SYNJ2: variants seen among roughly 807,000 people sequenced by gnomAD.
The protein encoded by SYNJ2 is polyphosphatidylinositol phosphatase SYNJ2.
Under a neutral mutation model 141.3 loss-of-function variants are expected in SYNJ2, and 116 were observed. The ratio of observed to expected loss-of-function variants is 0.82; its 90% CI spans 0.71 to 0.96. SYNJ2 has a LOEUF of 0.96. SYNJ2 is among the 40% of genes least tolerant of loss of function. The pLI, the probability that SYNJ2 is intolerant of heterozygous loss-of-function variation, is 0.00. For synonymous variants in SYNJ2, 745 were observed against 777.7 expected, an observed-to-expected ratio of 0.96 and a Z score of 0.70; for missense variants, 1,873 against 1,934.8, an observed-to-expected ratio of 0.97 and a Z score of 0.60.
At chr6:157,984,980 G>C (rs771915454) in intron 1 of SYNJ2, among the ~76,000 whole-genome samples, 1 of 152,194 alleles carries the variant, frequency 6.6e-6, no homozygotes, top group African/African-American at 2.4e-5. Context: ...ATCCTGCTCC[G>C]CTGCGGATGC....
intron 5 of SYNJ2, among the ~76,000 whole-genome samples, chr6:158,051,189 G>A (rs918614370): frequency 6.6e-6 from 1 of 152,172 alleles, no homozygotes; most frequent in Non-Finnish European, 1.5e-5. Flanking sequence ...TGCCAAGCTT[G>A]TATTCTCTTC....
rs1206018120 is a variant in SYNJ2 at position 158,070,775 on chromosome 6, C to A, written c.1941-827C>A. 6.6e-6 allele frequency among the ~76,000 whole-genome samples: 1 copy of A among 152,182 alleles called. No homozygotes were observed. The highest frequency in any genetic ancestry group is 1.5e-5 in the Non-Finnish European group (1 of 68,046). On this transcript the variant is annotated intron_variant, in intron 14 of 26. Transcript: ENST00000355585. This position sits in a 1 kb window ranked among gnomAD's most constrained non-coding sequence, Gnocchi z 4.0. ...CTTGCAGCCCATGTTTCTATGGACT[C>A]GTATGCGTCATAAGTGGGCATTTGA...
At chr6:158,095,426 G>A (rs2128403844) in intron 26 of SYNJ2, among the ~76,000 whole-genome samples, 192 bp from the exon 27 acceptor site, 1 of 152,238 alleles carries the variant, frequency 6.6e-6, no homozygotes, top group East Asian at 1.9e-4. Context: ...CCTGATAAAT[G>A]TGTGTTTCTC....
At chr6:158,065,185 T>C (rs1781490480) in intron 11 of SYNJ2, among the ~76,000 whole-genome samples, 194 bp downstream of exon 11, 1 of 152,184 alleles carries the variant, frequency 6.6e-6, no homozygotes, top group African/African-American at 2.4e-5. Flanking sequence ...AGCTCACGCT[T>C]CCTCTGTCTC....
chr6:157,981,806 G>C, upstream of SYNJ2: 2 of 597,596 alleles, frequency 3.3e-6, no homozygotes, highest in East Asian at 7.6e-5. The surrounding 1 kb of genome is among the most constrained non-coding windows in gnomAD (Gnocchi z 6.4). Flanking sequence ...TGGGGAGGAG[G>C]AGGAAGGGGA....
chr6:158,076,709 C>T lies in SYNJ2; in HGVS notation c.2376C>T (p.Ser792=), dbSNP rs141642680. 35 of 1,614,220 alleles carry T rather than the reference C, an allele frequency of 2.2e-5. No individual in the cohort carries two copies. In the African/African-American group the frequency reaches 2.3e-4, roughly 10 times the overall value. Residue 792 remains serine, a synonymous_variant, in exon 17 of 27, where the codon AGC becomes AGT. Coordinates refer to ENST00000355585, the MANE Select transcript of SYNJ2 (RefSeq NM_003898.4). The part of the protein sequence containing the change: ...YDVGSAAYDT[S]DKCRTPAWTD... ...TTGGCTCAGCCGCCTACGATACAAG[C>T]GACAAATGCCGCACCCCCGCCTGGA...
chr6:158,025,673 C>T (rs1779003788), intron 2 of SYNJ2, among the ~76,000 whole-genome samples: 1 of 150,340 alleles, frequency 6.7e-6, no homozygotes, highest in African/African-American at 2.5e-5. Context: ...AAAAAAATAG[C>T]CGGGCGTGGT....
chr6:158,014,084 A>G (rs1050188677), intron 1 of SYNJ2, among the ~76,000 whole-genome samples: 4 of 152,200 alleles, frequency 2.6e-5, no homozygotes, highest in African/African-American at 9.7e-5. Flanking sequence ...CCATGGGACC[A>G]TTCTGTTTTT....
intron 1 of SYNJ2, among the ~76,000 whole-genome samples, chr6:158,006,542 G>T (rs1443539367): frequency 6.6e-6 from 1 of 152,156 alleles, no homozygotes; most frequent in Non-Finnish European, 1.5e-5. Flanking sequence ...TCACTTCTCA[G>T]TCCACCCTGA....
At chr6:158,066,769 AC>A in intron 12 of SYNJ2, 134 bp downstream of exon 12, 1 of 1,037,968 alleles carries the variant, frequency 9.6e-7, no homozygotes, top group Non-Finnish European at 1.4e-6. Context: ...TCTAAATAGC[AC>A]CATGGCCTGA....
At chr6:158,053,176 AG>A (rs1481995549) in intron 5 of SYNJ2, among the ~76,000 whole-genome samples, 1 of 152,172 alleles carries the variant, frequency 6.6e-6, no homozygotes, top group African/African-American at 2.4e-5. Flanking sequence ...TATCCTTCTC[AG>A]GGTACCAGAT....
chr6:158,068,881 C>T (rs565798471), intron 13 of SYNJ2, among the ~76,000 whole-genome samples, 153 bp downstream of exon 13: 1 of 152,312 alleles, frequency 6.6e-6, no homozygotes, highest in East Asian at 1.9e-4. Flanking sequence ...CTGGCTCCTT[C>T]TCTATGCTCA....
intron 2 of SYNJ2, among the ~76,000 whole-genome samples, chr6:158,022,180 C>T (rs1373727273): frequency 6.6e-6 from 1 of 152,204 alleles, no homozygotes; most frequent in Non-Finnish European, 1.5e-5. Context: ...AAAGCCTAGA[C>T]ATCTTTAGTC....
intron 1 of SYNJ2, among the ~76,000 whole-genome samples, chr6:157,992,432 T>C (rs1777481668): frequency 1.3e-5 from 2 of 150,648 alleles, no homozygotes; most frequent in Non-Finnish European, 3.0e-5. Context: ...TTCCTTTTTT[T>C]TGAGACAGAG....
At chr6:158,049,328 T>G (rs967869354) in intron 5 of SYNJ2, among the ~76,000 whole-genome samples, 1 of 152,164 alleles carries the variant, frequency 6.6e-6, no homozygotes, top group Non-Finnish European at 1.5e-5. Flanking sequence ...CTGTGGCTTC[T>G]GACACCCAGT....
At position 158,027,195 on chromosome 6, in the gene SYNJ2, A is replaced by G. The variant is rs959199497; in HGVS notation, c.215-1561A>G. The stretch of plus-strand genomic sequence containing the variant: ...GGAAATTGGGGTGAGAGGGTGGTGG[A>G]ACTGGTTGTTTTGGGGGTCTCTTCC... On this transcript the variant is annotated intron_variant, in intron 2 of 26. Coordinates refer to ENST00000355585, the MANE Select transcript of SYNJ2 (RefSeq NM_003898.4). The surrounding 1 kb of genome is among the most constrained non-coding windows in gnomAD (Gnocchi z 4.6). 1 of 985,002 alleles carries G rather than the reference A, an allele frequency of 1.0e-6. No homozygotes were observed. The highest frequency in any genetic ancestry group is 1.8e-5 in the African/African-American group (1 of 57,080). The allele number at this position is 985,002 out of a possible 1,614,324, so 61.0% of individuals were successfully genotyped here. A position where few individuals can be genotyped will look rare whatever the true frequency, so the allele number is the denominator to read the frequency against.
chr6:158,019,191 A>G (rs1334539030), intron 2 of SYNJ2, among the ~76,000 whole-genome samples: 2 of 151,916 alleles, frequency 1.3e-5, no homozygotes, highest in Admixed American at 6.6e-5. Flanking sequence ...TACATGAATG[A>G]CTCATTTTGC....
At chr6:158,081,088 C>T (rs769475787) in intron 18 of SYNJ2, 21 bp from the exon 19 acceptor site, 1 of 1,611,218 alleles carries the variant, frequency 6.2e-7, no homozygotes, top group Admixed American at 1.7e-5. Flanking sequence ...AACTGTCATC[C>T]CTCTTTTGTT....
At chr6:158,078,346 G>A (rs1782456910) in intron 18 of SYNJ2, 65 bp downstream of exon 18, 1 of 1,078,466 alleles carries the variant, frequency 9.3e-7, no homozygotes, top group Non-Finnish European at 1.4e-6. Flanking sequence ...CCTCTCCGCA[G>A]GAAAATGCAT....
Sources: gnomAD v4.1 joint callset for allele counts (sites outside exome capture counted in the v4.1 genomes callset) on GRCh38, gnomAD v4.1.1 for gene constraint, Gnocchi (gnomAD v3.1) non-coding constraint, MANE v1.5 for transcripts, NCBI Gene and HGNC (gene_info 2026-07-23, HGNC 2026-07-21) for gene names.